Variants in TVP23C observed in about 807,000 individuals in gnomAD.
TVP23C encodes the protein trans-golgi network vesicle protein 23 homolog C.
A neutral mutation model predicts 28.7 loss-of-function variants in TVP23C; 19 were observed. The ratio of observed to expected loss-of-function variants is 0.66; its 90% CI spans 0.46 to 0.97. The LOEUF is 0.97. Among genes scored for constraint, TVP23C ranks in the 50% least tolerant of loss-of-function variants. The pLI, the probability that TVP23C is intolerant of heterozygous loss-of-function variation, is 0.00. For missense variants in TVP23C, 186 were observed against 241.3 expected (o/e 0.77, Z 1.52); for synonymous variants, 68 against 81.7 (o/e 0.83, Z 0.90).
At chr17:15,563,206 C>A in intron 1 of TVP23C, 3 of 692,558 alleles carry the variant, frequency 4.3e-6, no homozygotes, top group Non-Finnish European at 6.8e-6. Context: ...TGGGCGTCCC[C>A]ACAGCCGCAA....
At chr17:15,536,547 G>A (rs1311447283), downstream of TVP23C, among the ~76,000 whole-genome samples, 2 of 152,064 alleles carry the variant, frequency 1.3e-5, no homozygotes. Context: ...GAATATTAGG[G>A]AATACAGGGT....
chr17:15,502,865 T>C (rs1395891394), exon 6 of TVP23C: 1 of 1,579,258 alleles, frequency 6.3e-7, no homozygotes, highest in Non-Finnish European at 8.6e-7. Flanking sequence ...GGGTTGTTTT[T>C]AATGCATTCC....
intron 3 of TVP23C, among the ~76,000 whole-genome samples, chr17:15,553,463 G>C (rs1037081606): frequency 1.4e-5 from 2 of 139,096 alleles, no homozygotes; most frequent in African/African-American, 5.4e-5. Context: ...ATATGGCACA[G>C]AAAAATCAGC....
At chr17:15,520,604 G>C (rs1286736821) in intron 5 of TVP23C, among the ~76,000 whole-genome samples, 1 of 151,366 alleles carries the variant, frequency 6.6e-6, no homozygotes, top group Non-Finnish European at 1.5e-5. Flanking sequence ...CTCACAGTGG[G>C]AGGATAAGTC....
intron 5 of TVP23C, among the ~76,000 whole-genome samples, chr17:15,518,734 G>A (rs767190837): frequency 1.4e-4 from 22 of 152,184 alleles, no homozygotes; most frequent in Non-Finnish European, 3.2e-4. Flanking sequence ...AGAGTTTCAT[G>A]GTTGACTAGT....
At chr17:15,545,247 G>A (rs1444533354) in intron 5 of TVP23C, among the ~76,000 whole-genome samples, 9 of 152,134 alleles carry the variant, frequency 5.9e-5, no homozygotes, top group South Asian at 2.1e-4. Context: ...GGGCTGCCAC[G>A]TAAGCAGTCC....
intron 5 of TVP23C, among the ~76,000 whole-genome samples, chr17:15,521,121 GA>G (rs1166801399): frequency 1.3e-5 from 2 of 151,838 alleles, no homozygotes; most frequent in African/African-American, 2.4e-5. Context: ...ACAAAGATGA[GA>G]ATTCCCCCCA....
chr17:15,560,121 G>A (rs1178010497), intron 1 of TVP23C, among the ~76,000 whole-genome samples: 2 of 149,576 alleles, frequency 1.3e-5, no homozygotes, highest in African/African-American at 2.4e-5. Context: ...GTGCAATGGT[G>A]TGATCTTGGC....
rs554774721 is a variant in TVP23C, at chr17:15,512,496, A to C, written c.463-9264T>G. Among the ~76,000 whole-genome samples the C allele has an allele frequency of 3.9e-5, 6 of 152,230 alleles. No individual in the cohort carries two copies. In the East Asian group the frequency reaches 1.2e-3, roughly 29 times the overall value. The stretch of plus-strand genomic sequence containing the variant: ...ATACCAGTAACTATGACAACACTCA[A>C]ACAATCCCTGCAATGTTCGAAGGTT... On this transcript the variant is annotated intron_variant, in intron 5 of 5. Transcript: ENST00000225576.
At chr17:15,525,643 C>A (rs545251497) in intron 5 of TVP23C, among the ~76,000 whole-genome samples, 3 of 152,304 alleles carry the variant, frequency 2.0e-5, no homozygotes, top group Admixed American at 1.3e-4. Flanking sequence ...TGTAAGCCAA[C>A]TCCTTGAAAT....
chr17:15,506,934 G>A, intron 5 of TVP23C: 1 of 1,162,604 alleles, frequency 8.6e-7, no homozygotes. Context: ...TCTCCTTTGA[G>A]CTGTTTGCAA....
In TVP23C at chr17:15,560,100, G is replaced by A. The variant is rs1345860802; in HGVS notation, c.12+3337C>T. Among the ~76,000 whole-genome samples, 9 of 149,010 alleles carry A rather than the reference G, an allele frequency of 6.0e-5. 1 individual carries two copies. Among genetic ancestry groups the A allele is most frequent in the African/African-American group, 1.5e-4 (6 of 41,186 alleles). On this transcript the variant is annotated intron_variant, in intron 1 of 5. Coordinates refer to ENST00000518321, the MANE Select transcript of TVP23C (RefSeq NM_001135036.2). ...TTTTGAGACGGAGTCTCGCTCTGTC[G>A]CCAGGCTGGAGTGCAATGGTGTGAT...
chr17:15,504,500 A>C (rs556230940), intron 5 of TVP23C, among the ~76,000 whole-genome samples: 10 of 152,300 alleles, frequency 6.6e-5, no homozygotes, highest in African/African-American at 2.4e-4. Flanking sequence ...GAGAGCGCGG[A>C]AGATGAGGCA....
At chr17:15,526,827 GA>G (rs1354630893) in intron 5 of TVP23C, among the ~76,000 whole-genome samples, 1 of 152,150 alleles carries the variant, frequency 6.6e-6, no homozygotes, top group African/African-American at 2.4e-5. Flanking sequence ...AGCTGTGTTG[GA>G]TTTCAACAAT....
At chr17:15,507,397 G>A in intron 5 of TVP23C, 1 of 615,534 alleles carries the variant, frequency 1.6e-6, no homozygotes, top group Admixed American at 2.2e-5. Flanking sequence ...CATTCCTTCT[G>A]TAGCTCAGAG....
chr17:15,523,625 TC>T (rs1484962301), intron 5 of TVP23C, among the ~76,000 whole-genome samples: 18 of 151,014 alleles, frequency 1.2e-4, no homozygotes, highest in Admixed American at 1.2e-3. Flanking sequence ...TTTTTTTTTT[TC>T]TTTTTTTGAG....
intron 5 of TVP23C, among the ~76,000 whole-genome samples, chr17:15,519,407 G>C (rs781467320): frequency 3.3e-5 from 5 of 151,968 alleles, no homozygotes; most frequent in Non-Finnish European, 5.9e-5. Context: ...AGGAGTTCGA[G>C]GCTGCAGTGA....
intron 1 of TVP23C, among the ~76,000 whole-genome samples, chr17:15,557,840 G>T (rs1205366015): frequency 1.4e-5 from 2 of 138,898 alleles, no homozygotes; most frequent in Non-Finnish European, 3.2e-5. Context: ...GACAGTCCGC[G>T]TAGGCCTCCC....
Position 15,557,434 on chromosome 17 carries a change from A to T in TVP23C, c.13-2070T>A, listed in dbSNP as rs565267831. On this transcript the variant is annotated intron_variant, in intron 1 of 5. Coordinates refer to ENST00000518321, the MANE Select transcript of TVP23C (RefSeq NM_001135036.2). ...CAGCCTCCTGAGTAACTGGGATTAC[A>T]GGAGTGTGTCTCGGCTAATTAGCCT... is the stretch of plus-strand genomic sequence containing the variant. 7.7e-4 allele frequency among the ~76,000 whole-genome samples: 114 copies of T among 147,472 alleles called. 5 individuals are homozygous for T. Among genetic ancestry groups the T allele is most frequent in the South Asian group, 4.0e-3 (18 of 4,492 alleles).
Sources: gnomAD v4.1 joint callset for allele counts (sites outside exome capture counted in the v4.1 genomes callset) on GRCh38, gnomAD v4.1.1 for gene constraint, MANE v1.5 for transcripts, NCBI Gene and HGNC (gene_info 2026-07-23, HGNC 2026-07-21) for gene names.